ABI3BP: variants seen among roughly 807,000 people sequenced by gnomAD.
ABI3BP encodes the protein ABI family member 3 binding protein, also known as target of Nesh-SH3.
ABI3BP carries 216 observed loss-of-function variants against 268.6 expected under a neutral mutation model. The observed-to-expected ratio is 0.80, with a 90% CI of 0.72 to 0.90. ABI3BP has a LOEUF of 0.90. Among genes scored for constraint, ABI3BP ranks in the 40% least tolerant of loss-of-function variants. The pLI is 0.00. For missense variants in ABI3BP, 2,090 were observed against 2,182.4 expected, an observed-to-expected ratio of 0.96 and a Z score of 0.84; for synonymous variants, 730 against 730.0, an observed-to-expected ratio of 1.00 and a Z score of 0.00.
At chr3:100,941,150 T>G (rs2153712018) in intron 1 of ABI3BP, among the ~76,000 whole-genome samples, 1 of 151,886 alleles carries the variant, frequency 6.6e-6, no homozygotes, top group East Asian at 2.0e-4. Context: ...TACTTATACA[T>G]GAACATATGT....
chr3:100,909,415 G>T (rs2055174204), intron 2 of ABI3BP, among the ~76,000 whole-genome samples: 1 of 151,632 alleles, frequency 6.6e-6, no homozygotes, highest in Non-Finnish European at 1.5e-5. Context: ...AGTCAAATGG[G>T]ATCTGATTAA....
At chr3:100,808,074 TG>T in intron 50 of ABI3BP, 86 bp downstream of exon 50, 1 of 1,142,544 alleles carries the variant, frequency 8.8e-7, no homozygotes, top group African/African-American at 1.5e-5. Context: ...AGACTCAATC[TG>T]CTATCATAAC....
At chr3:100,850,810 A>T in intron 15 of ABI3BP, 76 bp from the exon 16 acceptor site, 1 of 1,123,764 alleles carries the variant, frequency 8.9e-7, no homozygotes, top group Non-Finnish European at 1.3e-6. Flanking sequence ...TGAGTAATAA[A>T]TTATGCCTCA....
intron 14 of ABI3BP, among the ~76,000 whole-genome samples, chr3:100,859,931 G>T (rs1329806642): frequency 2.6e-5 from 4 of 152,140 alleles, no homozygotes; most frequent in Middle Eastern, 3.2e-3. Context: ...AATTAGCCAG[G>T]CATGGTGGCA....
rs555760080 is a variant in ABI3BP, at chr3:100,794,295, C to A, written c.3946+628G>T. ...CCTGGCTCTGACACCAGCTGTTTCA[C>A]CTTGGCCAAACTTTTAAACCCTCTA... On this transcript the variant is annotated intron_variant, in intron 54 of 67. Transcript: ENST00000471714. Among the ~76,000 whole-genome samples the A allele has an allele frequency of 1.0e-3, 153 of 152,078 alleles. 1 individual carries two copies. Among genetic ancestry groups the A allele is most frequent in the African/African-American group, 3.6e-3 (150 of 41,532 alleles).
chr3:100,774,101 G>A (rs1293824098), intron 61 of ABI3BP, among the ~76,000 whole-genome samples: 1 of 152,104 alleles, frequency 6.6e-6, no homozygotes, highest in Non-Finnish European at 1.5e-5. Context: ...ATGTCATATT[G>A]TATCTCTCCT....
At chr3:100,869,171 T>G (rs2099082429) in intron 9 of ABI3BP, among the ~76,000 whole-genome samples, 3 of 152,012 alleles carry the variant, frequency 2.0e-5, no homozygotes, top group Non-Finnish European at 4.4e-5. Context: ...CTCAATTTCT[T>G]TATTCAAAAC....
intron 1 of ABI3BP, among the ~76,000 whole-genome samples, chr3:100,934,213 A>T (rs560614983): frequency 1.3e-5 from 2 of 151,020 alleles, no homozygotes; most frequent in African/African-American, 2.4e-5. Context: ...ACTCCCACTT[A>T]TGATTGAGAA....
chr3:100,863,905 T>A, intron 12 of ABI3BP, 97 bp downstream of exon 12: 1 of 891,692 alleles, frequency 1.1e-6, no homozygotes. Context: ...TTTAAGGGAT[T>A]GGGTATAAAT....
At position 100,764,490 on chromosome 3, in the gene ABI3BP, T is replaced by C. The variant is rs535049259; in HGVS notation, c.4850+1351A>G. On this transcript the variant is annotated intron_variant, in intron 63 of 67. Coordinates refer to ENST00000471714, the MANE Select transcript of ABI3BP (RefSeq NM_001375547.2). Reference sequence around the variant, plus strand: ...TTAAAATGATACTGAAATAACTGTATTCAACATTCAGATCATGAGCTAATA... The same window carrying C: ...TTAAAATGATACTGAAATAACTGTACTCAACATTCAGATCATGAGCTAATA... Among the ~76,000 whole-genome samples the C allele has an allele frequency of 3.3e-5, 5 of 152,318 alleles. No homozygotes were observed. In the East Asian group the frequency reaches 7.7e-4, roughly 23 times the overall value.
At chr3:100,750,898 T>G (rs1231386315) in intron 67 of ABI3BP, among the ~76,000 whole-genome samples, 1 of 152,218 alleles carries the variant, frequency 6.6e-6, no homozygotes. Flanking sequence ...GTAGGTCATC[T>G]TTCAGTATTG....
intron 58 of ABI3BP, among the ~76,000 whole-genome samples, chr3:100,779,604 A>ACTCT (rs138554435): frequency 0.1 from 14,014 of 135,468 alleles, 813 homozygotes; most frequent in South Asian, 0.24. Context: ...TAAGAGAAAG[A>ACTCT]CTCTCTCTCT....
Position 100,751,659 on chromosome 3 carries a change from A to T in ABI3BP, c.5138T>A (p.Ile1713Lys). 6.3e-7 allele frequency: 1 copy of T among 1,594,590 alleles called. No homozygotes were observed. ...TTCTCCATGGCCCCTCTGATCACCT[A>T]TGTTATAAAATTTTCCTGAAGAACC... Reference protein sequence around the residue: ...SDSLTGKFYNIGDQRGHGEDH... With the variant: ...SDSLTGKFYNKGDQRGHGEDH... The change falls in exon 67 of 68, where the codon ATA becomes AAA. Residue 1713 changes from isoleucine to lysine, a missense_variant. By Grantham distance (102) the Ile-to-Lys change is moderately radical (BLOSUM62 -3). Transcript: ENST00000471714.
At chr3:100,850,608 A>ATTTT in intron 16 of ABI3BP, 52 bp downstream of exon 16, 2 of 1,084,830 alleles carry the variant, frequency 1.8e-6, no homozygotes, top group African/African-American at 1.6e-5. Flanking sequence ...CATTCACATG[A>ATTTT]TTTTTTTTTT....
intron 12 of ABI3BP, chr3:100,863,724 C>T: frequency 5.4e-6 from 2 of 373,290 alleles, no homozygotes; most frequent in Non-Finnish European, 9.7e-6. Context: ...AGAGTAAACA[C>T]ATTTACAAAA....
chr3:100,876,635 T>A, intron 6 of ABI3BP, 75 bp from the exon 7 acceptor site: 1 of 1,330,116 alleles, frequency 7.5e-7, no homozygotes, highest in Non-Finnish European at 1.1e-6. Context: ...TTCGGAGAAC[T>A]GGAAGTAGCC....
intron 9 of ABI3BP, among the ~76,000 whole-genome samples, chr3:100,871,111 A>G (rs76578064): frequency 0.032 from 4,925 of 152,278 alleles, 246 homozygotes; most frequent in African/African-American, 0.11. Flanking sequence ...TCTAAAGTAG[A>G]AAACAAGAAC....
intron 2 of ABI3BP, among the ~76,000 whole-genome samples, chr3:100,912,456 C>T (rs1469919331): frequency 2.0e-5 from 3 of 151,874 alleles, no homozygotes; most frequent in African/African-American, 7.3e-5. Context: ...GTAGAAAATG[C>T]TTTAGAATTT....
At chr3:100,992,291 G>A (rs188053213) in intron 1 of ABI3BP, among the ~76,000 whole-genome samples, 2 of 152,228 alleles carry the variant, frequency 1.3e-5, no homozygotes, top group Admixed American at 1.3e-4. Context: ...GTTTTCACTT[G>A]GGACAAGATG....
Sources: allele counts gnomAD v4.1 joint callset (sites outside exome capture counted in the v4.1 genomes callset), GRCh38; gene constraint gnomAD v4.1.1; transcripts MANE v1.5; gene names NCBI Gene and HGNC (gene_info 2026-07-23, HGNC 2026-07-21).